WDR27: variants seen among roughly 807,000 people sequenced by gnomAD.
WDR27 encodes WD repeat-containing protein 27.
WDR27 carries 100 observed loss-of-function variants against 114.4 expected under a neutral mutation model. The ratio of observed to expected loss-of-function variants is 0.87; its 90% CI spans 0.74 to 1.03. WDR27 has a LOEUF of 1.03. Among genes scored for constraint, WDR27 ranks in the 50% least tolerant of loss-of-function variants. WDR27 has a pLI of 0.00. For synonymous variants in WDR27, 449 were observed against 423.1 expected (o/e 1.06, Z -0.75); for missense variants, 1,129 against 1,092.9 (o/e 1.03, Z -0.47).
intron 25 of WDR27, among the ~76,000 whole-genome samples, chr6:169,550,680 C>T (rs1797979011): frequency 6.6e-6 from 1 of 151,596 alleles, no homozygotes; most frequent in African/African-American, 2.4e-5. Flanking sequence ...CTCAGCCTCC[C>T]AAAGTGCTGG....
chr6:169,693,460 T>C (rs983093012), intron 1 of WDR27, among the ~76,000 whole-genome samples: 17 of 152,168 alleles, frequency 1.1e-4, no homozygotes, highest in Admixed American at 5.2e-4. Context: ...ACTAACATAA[T>C]GAATAGAGCA....
rs185382080 is a variant in WDR27, at chr6:169,496,897, G to A, written c.2646-39263C>T. ...GCTCTACAGATGCAATGCAATCCCT[G>A]TACTGATCCCAATGATGTTTTCTGA... is the stretch of plus-strand genomic sequence containing the variant. On this transcript the variant is annotated intron_variant, in intron 25 of 25. Transcript: ENST00000448612. Among the ~76,000 whole-genome samples, 249 of 152,148 alleles carry A rather than the reference G, an allele frequency of 1.6e-3. 1 individual carries two copies. The highest frequency in any genetic ancestry group is 2.6e-3 in the Non-Finnish European group (175 of 67,930).
the WDR27 span, among the ~76,000 whole-genome samples, chr6:169,451,112 C>T: frequency 2.0e-5 from 3 of 152,164 alleles, no homozygotes; most frequent in Non-Finnish European, 2.9e-5. Context: ...CATCCCTCCG[C>T]TCACATGAGA....
chr6:169,434,788 G>C, the WDR27 span, among the ~76,000 whole-genome samples: 2 of 152,196 alleles, frequency 1.3e-5, no homozygotes, highest in Admixed American at 6.5e-5. Context: ...TTTGCAGACT[G>C]ATGATGCAAT....
chr6:169,508,730 C>A (rs1224444278), intron 25 of WDR27, among the ~76,000 whole-genome samples: 1 of 152,164 alleles, frequency 6.6e-6, no homozygotes, highest in Non-Finnish European at 1.5e-5. Flanking sequence ...AACTTTACAA[C>A]ACTTGTGGAA....
chr6:169,668,140 G>C lies in WDR27; in HGVS notation c.502C>G (p.Arg168Gly). 1.2e-6 allele frequency: 2 copies of C among 1,613,910 alleles called. No individual in the cohort carries two copies. The highest frequency in any genetic ancestry group is 1.7e-6 in the Non-Finnish European group (2 of 1,179,884). ...AAGGTCGGTGGTGGGACTTTGTGGCGGTTATTAACATCAGGACGTTCTATG... is the reference window on the plus strand; with the variant it reads ...AAGGTCGGTGGTGGGACTTTGTGGCCGTTATTAACATCAGGACGTTCTATG... Reference protein sequence around the residue: ...TYIERPDVNNRHKVPPPTFLH... With the variant: ...TYIERPDVNNGHKVPPPTFLH... Residue 168 changes from arginine (R) to glycine (G), a missense_variant, in exon 5 of 26, where the codon CGC (arginine) becomes GGC (glycine). Physicochemically the swap from Arg to Gly is moderately radical, Grantham distance 125 (BLOSUM62 -2). Transcript: ENST00000448612.
intron 19 of WDR27, among the ~76,000 whole-genome samples, chr6:169,635,106 GC>G (rs200343705): frequency 0.012 from 1,754 of 152,318 alleles, 42 homozygotes; most frequent in African/African-American, 0.04. Context: ...GGTGGCTCAT[GC>G]CTGTAATCCC....
rs371840239 is a variant in WDR27, at chr6:169,480,150, G to A, written c.2646-22516C>T. ...CTTGGAGCAGCCAGCCGGTGCCACCGGCCCCAGGCAGTGAGGGGCTTAGCA... is the reference window on the plus strand; with the variant it reads ...CTTGGAGCAGCCAGCCGGTGCCACCAGCCCCAGGCAGTGAGGGGCTTAGCA... On this transcript the variant is annotated intron_variant, in intron 25 of 25. Coordinates refer to ENST00000448612, the MANE Select transcript of WDR27 (RefSeq NM_182552.5). Among the ~76,000 whole-genome samples, 21 of 152,322 alleles carry A rather than the reference G, an allele frequency of 1.4e-4. No homozygotes were observed. The South Asian group carries it at 2.5e-3, about 18-fold the overall frequency.
intron 25 of WDR27, among the ~76,000 whole-genome samples, chr6:169,528,769 C>T (rs186633490): frequency 1.5e-4 from 23 of 152,278 alleles, no homozygotes; most frequent in Admixed American, 9.2e-4. Flanking sequence ...TCAAGTGATC[C>T]GCCCGCTTCA....
intron 23 of WDR27, among the ~76,000 whole-genome samples, chr6:169,593,864 C>G (rs1365628715): frequency 1.0e-5 from 1 of 99,002 alleles, no homozygotes; most frequent in Non-Finnish European, 2.7e-5. Flanking sequence ...AACAAACAAA[C>G]AAACAAACAA....
intron 21 of WDR27, among the ~76,000 whole-genome samples, chr6:169,616,055 A>T (rs1045259534): frequency 3.3e-5 from 5 of 152,184 alleles, no homozygotes; most frequent in African/African-American, 1.2e-4. Context: ...AACAGATATA[A>T]GGTAAAGAAA....
intron 23 of WDR27, among the ~76,000 whole-genome samples, chr6:169,588,556 T>TC (rs1222541722): frequency 6.6e-6 from 1 of 152,216 alleles, no homozygotes; most frequent in Non-Finnish European, 1.5e-5. Context: ...CCCATGTTGT[T>TC]CAAGGGTCAG....
At chr6:169,459,823 C>G (rs1784708895) in intron 25 of WDR27, among the ~76,000 whole-genome samples, 1 of 151,860 alleles carries the variant, frequency 6.6e-6, no homozygotes, top group Non-Finnish European at 1.5e-5. Context: ...ACAAAAAAAC[C>G]CCCAAAAAAC....
rs550102033 is a variant in WDR27, at chr6:169,666,557, G to C, written c.712+579C>G. 4 of 985,558 alleles carry C rather than the reference G, an allele frequency of 4.1e-6. No homozygotes were observed. In the East Asian group the frequency reaches 4.5e-4, roughly 112 times the overall value. The allele number at this position is 985,558 out of a possible 1,614,324, so 61.1% of individuals were successfully genotyped here. On this transcript the variant is annotated intron_variant, in intron 6 of 25. Coordinates refer to ENST00000448612, the MANE Select transcript of WDR27 (RefSeq NM_182552.5). Reference sequence around the variant, plus strand: ...ACAAGCACAGGGGCTGCACGGGAGAGGTGCTGGGGCGTCACAGACCGCTCC... The same window carrying C: ...ACAAGCACAGGGGCTGCACGGGAGACGTGCTGGGGCGTCACAGACCGCTCC...
chr6:169,561,137 G>C (rs1355165123), intron 25 of WDR27, among the ~76,000 whole-genome samples: 2 of 152,124 alleles, frequency 1.3e-5, no homozygotes, highest in Non-Finnish European at 2.9e-5. Context: ...CTGGAGGCTG[G>C]AGGTCCAGGA....
chr6:169,650,342 C>A (rs1477016884), intron 14 of WDR27, among the ~76,000 whole-genome samples: 8 of 130,398 alleles, frequency 6.1e-5, no homozygotes, highest in African/African-American at 2.3e-4. Flanking sequence ...CTCATCCATC[C>A]CTCATCTCTG....
chr6:169,612,819 G>A (rs1810900689), intron 22 of WDR27, among the ~76,000 whole-genome samples: 1 of 152,092 alleles, frequency 6.6e-6, no homozygotes. Context: ...TATGCCACCA[G>A]CAATGTGATA....
chr6:169,685,321 AAAC>A (rs1782629040), intron 2 of WDR27, among the ~76,000 whole-genome samples: 2 of 152,168 alleles, frequency 1.3e-5, no homozygotes, highest in Non-Finnish European at 2.9e-5. Context: ...CTCCAAAGGA[AAAC>A]AACAATTTTC....
At chr6:169,667,802 G>A (rs753980852) in intron 5 of WDR27, among the ~76,000 whole-genome samples, 180 bp downstream of exon 5, 2 of 152,244 alleles carry the variant, frequency 1.3e-5, no homozygotes, top group Non-Finnish European at 2.9e-5. Flanking sequence ...AGCGGCCCCG[G>A]CAAAACATCC....
Sources: gnomAD v4.1 joint callset for allele counts (sites outside exome capture counted in the v4.1 genomes callset) on GRCh38, gnomAD v4.1.1 for gene constraint, MANE v1.5 for transcripts, NCBI Gene and HGNC (gene_info 2026-07-23, HGNC 2026-07-21) for gene names.